The following SLIT2 variants were observed in gnomAD, a reference collection of about 807,000 sequenced individuals.
The protein encoded by SLIT2 is slit homolog 2 protein.
SLIT2 carries 41 observed loss-of-function variants against 185.7 expected under a neutral mutation model. The ratio of observed to expected loss-of-function variants is 0.22; its 90% confidence interval spans 0.17 to 0.29. The LOEUF (loss-of-function observed/expected upper bound fraction) is 0.29. Ranked by LOEUF, SLIT2 falls within the 10% of genes least tolerant of loss-of-function variation. SLIT2 has a pLI of 1.00. For missense variants in SLIT2, 1,571 were observed against 1,909.0 expected (o/e 0.82, Z 3.30); for synonymous variants, 693 against 680.2 (o/e 1.02, Z -0.29).
intron 33 of SLIT2, 27 bp downstream of exon 33, chr4:20,598,422 G>A (rs201968832): frequency 2.4e-4 from 382 of 1,612,312 alleles, no homozygotes; most frequent in East Asian, 3.1e-4. Flanking sequence ...TACGGGTAAA[G>A]GTGAAAAAAA....
At chr4:20,486,131 A>T (rs557587739) in intron 6 of SLIT2, 69 bp from the exon 7 acceptor site, 2 of 947,328 alleles carry the variant, frequency 2.1e-6, no homozygotes, top group Non-Finnish European at 3.4e-6. Flanking sequence ...CGTTTTCTCT[A>T]TGTTAATATA....
At chr4:20,416,308 T>G (rs1727681976) in intron 4 of SLIT2, among the ~76,000 whole-genome samples, 1 of 152,178 alleles carries the variant, frequency 6.6e-6, no homozygotes, top group Non-Finnish European at 1.5e-5. Context: ...GATGGCTGTC[T>G]TCTTGCTGTG....
intron 20 of SLIT2, among the ~76,000 whole-genome samples, chr4:20,542,025 T>C (rs1018987897): frequency 9.9e-5 from 15 of 152,172 alleles, no homozygotes; most frequent in African/African-American, 3.4e-4. Context: ...ATCATCACAT[T>C]TGATTCTCAT....
At chr4:20,612,655 C>G (rs1218660001) in intron 34 of SLIT2, among the ~76,000 whole-genome samples, 2 of 152,108 alleles carry the variant, frequency 1.3e-5, no homozygotes, top group Admixed American at 1.3e-4. Context: ...CGGTGGCTCA[C>G]GTCCGTAATC....
intron 11 of SLIT2, among the ~76,000 whole-genome samples, chr4:20,518,255 A>T (rs71613271): frequency 0.05 from 4,397 of 87,454 alleles, 183 homozygotes; most frequent in Non-Finnish European, 0.069. Flanking sequence ...ATATATATAT[A>T]TTTTTTTTTT....
At chr4:20,546,323 C>G (rs1363343680) in intron 22 of SLIT2, among the ~76,000 whole-genome samples, 1 of 152,028 alleles carries the variant, frequency 6.6e-6, no homozygotes, top group Non-Finnish European at 1.5e-5. Context: ...CAAAAAAGCA[C>G]AAATACAACG....
chr4:20,263,128 G>A lies in SLIT2; in HGVS notation c.323+5189G>A, dbSNP rs539668664. On this transcript the variant is annotated intron_variant, in intron 3 of 36. Coordinates refer to ENST00000504154, the MANE Select transcript of SLIT2 (RefSeq NM_004787.4). ...TTAATTCCCTCTCTCATTTCTTTTG[G>A]ATACCTTTCTGCTTGAATTGTGTCT... Among the ~76,000 whole-genome samples, 71 of 151,570 alleles carry A rather than the reference G, an allele frequency of 4.7e-4. 2 individuals carry two copies. The highest frequency in any genetic ancestry group is 3.8e-3 in the Admixed American group (58 of 15,190).
chr4:20,378,717 C>A (rs1724234532), intron 4 of SLIT2, among the ~76,000 whole-genome samples: 1 of 151,922 alleles, frequency 6.6e-6, no homozygotes, highest in South Asian at 2.1e-4. Flanking sequence ...TCTTACTAAG[C>A]TAAACATCTC....
At chr4:20,415,136 G>A (rs1727547227) in intron 4 of SLIT2, among the ~76,000 whole-genome samples, 1 of 152,174 alleles carries the variant, frequency 6.6e-6, no homozygotes, top group African/African-American at 2.4e-5. Flanking sequence ...TACTGGCTGT[G>A]CGCGGTGGCC....
chr4:20,612,397 A>G (rs1326607693), intron 34 of SLIT2, among the ~76,000 whole-genome samples: 1 of 152,072 alleles, frequency 6.6e-6, no homozygotes, highest in Non-Finnish European at 1.5e-5. Context: ...GAAAAATTCA[A>G]ACAACACCTC....
chr4:20,466,751 T>C (rs1577710834), intron 4 of SLIT2, among the ~76,000 whole-genome samples: 3 of 152,306 alleles, frequency 2.0e-5, no homozygotes, highest in East Asian at 1.9e-4. Context: ...TCATCTGATA[T>C]GCACCTGTGG....
At chr4:20,573,305 C>T (rs1412710008) in intron 29 of SLIT2, 2 of 702,722 alleles carry the variant, frequency 2.8e-6, no homozygotes, top group Non-Finnish European at 5.2e-6. Flanking sequence ...TTTAGTCTCC[C>T]TCTTTCTTGT....
chr4:20,366,703 T>A (rs1194805632), intron 4 of SLIT2, among the ~76,000 whole-genome samples: 1 of 152,074 alleles, frequency 6.6e-6, no homozygotes, highest in Non-Finnish European at 1.5e-5. Context: ...AAGAACTGAG[T>A]TGACCTATAA....
In SLIT2 at chr4:20,542,812, C is replaced by CAGTG. The variant is rs1722917891; in HGVS notation, c.2276+186_2276+187insAGTG. Among the ~76,000 whole-genome samples, 4 of 110,988 alleles carry CAGTG rather than the reference C, an allele frequency of 3.6e-5. No homozygotes were observed. The South Asian group carries it at 1.4e-3, about 39-fold the overall frequency. The allele number at this position is 110,988 out of a possible 152,430, so 72.8% of individuals were successfully genotyped here. A position where few individuals can be genotyped will look rare whatever the true frequency, so the allele number is the denominator to read the frequency against. On this transcript the variant is annotated intron_variant, in intron 21 of 36. Transcript: ENST00000504154. ...CTACTTTAGAGGCCCTTGGGAATTG[C>CAGTG]TGTGTGTGTGTGTGTGTGTGTGTGT... is the stretch of plus-strand genomic sequence containing the variant.
intron 4 of SLIT2, among the ~76,000 whole-genome samples, chr4:20,271,773 A>G (rs968850058): frequency 6.6e-6 from 1 of 152,020 alleles, no homozygotes; most frequent in Non-Finnish European, 1.5e-5. Flanking sequence ...GCTTAGATTA[A>G]AGCTAGTTGG....
At chr4:20,596,118 G>C (rs1015718223) in intron 31 of SLIT2, among the ~76,000 whole-genome samples, 2 of 152,086 alleles carry the variant, frequency 1.3e-5, no homozygotes, top group Non-Finnish European at 1.5e-5. Context: ...GACAAAAAAC[G>C]TAGAACTTAC....
At chr4:20,304,511 G>A (rs1044207727) in intron 4 of SLIT2, among the ~76,000 whole-genome samples, 1 of 152,072 alleles carries the variant, frequency 6.6e-6, no homozygotes, top group African/African-American at 2.4e-5. Flanking sequence ...TGTGACAAGC[G>A]TTGGCCAATG....
At chr4:20,518,285 C>T (rs1720444916) in intron 11 of SLIT2, among the ~76,000 whole-genome samples, 1 of 135,000 alleles carries the variant, frequency 7.4e-6, no homozygotes, top group African/African-American at 2.7e-5. Flanking sequence ...CAGAGTCTCG[C>T]TCTGTCGCCC....
At chr4:20,331,572 G>C (rs184363621) in intron 4 of SLIT2, among the ~76,000 whole-genome samples, 10 of 152,092 alleles carry the variant, frequency 6.6e-5, no homozygotes, top group Middle Eastern at 3.4e-3. Context: ...TCATGAGTTT[G>C]CTCACTAATA....
Sources: allele counts gnomAD v4.1 joint callset (sites outside exome capture counted in the v4.1 genomes callset), GRCh38; gene constraint gnomAD v4.1.1; transcripts MANE v1.5; gene names NCBI Gene and HGNC (gene_info 2026-07-23, HGNC 2026-07-21).